The following GHR variants were observed in gnomAD, a reference collection of about 807,000 sequenced individuals.
GHR encodes the protein GH receptor.
GHR carries 35 observed loss-of-function variants against 67.1 expected under a neutral mutation model. The observed-to-expected ratio is 0.52, with a 90% CI of 0.40 to 0.69. The LOEUF (loss-of-function observed/expected upper bound fraction) is 0.69, where lower values mean the gene tolerates loss of function less well. Ranked by LOEUF, GHR falls within the 30% of genes least tolerant of loss-of-function variation. The pLI is 0.00. For missense variants in GHR, 792 were observed against 764.6 expected (o/e 1.04, Z -0.42); for synonymous variants, 272 against 269.1 (o/e 1.01, Z -0.10).
At chr5:42,482,759 GA>G (rs1472404809) in intron 1 of GHR, among the ~76,000 whole-genome samples, 3 of 152,178 alleles carry the variant, frequency 2.0e-5, no homozygotes, top group African/African-American at 7.2e-5. Flanking sequence ...GGAGTGACCT[GA>G]TTTTCCAGGT....
At chr5:42,434,011 A>G (rs1743215398) in intron 1 of GHR, among the ~76,000 whole-genome samples, 1 of 152,052 alleles carries the variant, frequency 6.6e-6, no homozygotes, top group Non-Finnish European at 1.5e-5. Flanking sequence ...GCTGTGTGGT[A>G]TTTCAGCACA....
At position 42,464,417 on chromosome 5, in the gene GHR, C is replaced by T. The variant is rs145649022; in HGVS notation, c.-12+40462C>T. On this transcript the variant is annotated intron_variant, in intron 1 of 9. Transcript: ENST00000230882. Reference sequence around the variant, plus strand: ...AGAATTGGCAGTGGGGTCATGCCATCAGAAACACATACATGCAATGCATGG... The same window carrying T: ...AGAATTGGCAGTGGGGTCATGCCATTAGAAACACATACATGCAATGCATGG... Among the ~76,000 whole-genome samples the T allele has an allele frequency of 7.6e-3, 1,160 of 151,718 alleles. 14 individuals carry two copies. The highest frequency in any genetic ancestry group is 0.027 in the African/African-American group (1,111 of 41,516).
chr5:42,578,582 A>G (rs1750896024), intron 2 of GHR, among the ~76,000 whole-genome samples: 2 of 152,220 alleles, frequency 1.3e-5, no homozygotes, highest in South Asian at 2.1e-4. Context: ...CTCCTTTTGA[A>G]TGAAATCAGA....
chr5:42,579,384 C>T lies in GHR; in HGVS notation c.70+13440C>T, dbSNP rs191683871. 1.1e-4 allele frequency among the ~76,000 whole-genome samples: 17 copies of T among 152,254 alleles called. 1 individual carries two copies. Among genetic ancestry groups the T allele is most frequent in the Middle Eastern group, 6.8e-3 (2 of 294 alleles). ...TTGATGGAGCCATATTTACATGAAA[C>T]GTTGCAGCATTTTCTTCTTTAAACC... On this transcript the variant is annotated intron_variant, in intron 2 of 9. Coordinates refer to ENST00000230882, the MANE Select transcript of GHR (RefSeq NM_000163.5).
intron 3 of GHR, among the ~76,000 whole-genome samples, chr5:42,665,733 A>G (rs1329034229): frequency 1.2e-5 from 1 of 80,944 alleles, no homozygotes. Context: ...GTACCCTGAA[A>G]CTTAAAGTAT....
intron 1 of GHR, among the ~76,000 whole-genome samples, chr5:42,516,411 G>GT (rs1747239554): frequency 6.6e-6 from 1 of 152,174 alleles, no homozygotes; most frequent in African/African-American, 2.4e-5. Flanking sequence ...CCGGAGTCAG[G>GT]TGAGCTGGTT....
At chr5:42,553,099 G>A (rs1467887425) in intron 1 of GHR, among the ~76,000 whole-genome samples, 2 of 152,172 alleles carry the variant, frequency 1.3e-5, no homozygotes, top group South Asian at 2.1e-4. Flanking sequence ...CTTAAAGGCT[G>A]TAGTAGTTTT....
intron 1 of GHR, chr5:42,468,470 C>T (rs991515338): frequency 3.7e-6 from 3 of 817,342 alleles, no homozygotes; most frequent in East Asian, 2.5e-5. Flanking sequence ...CTGAGAGGCC[C>T]GACCAGAGTT....
At chr5:42,578,534 A>G (rs1225908854) in intron 2 of GHR, among the ~76,000 whole-genome samples, 1 of 152,200 alleles carries the variant, frequency 6.6e-6, no homozygotes, top group African/African-American at 2.4e-5. Flanking sequence ...TGTGTGTAAC[A>G]TGTACAAAAA....
At chr5:42,440,382 C>G (rs1191405501) in intron 1 of GHR, among the ~76,000 whole-genome samples, 3 of 152,008 alleles carry the variant, frequency 2.0e-5, no homozygotes, top group African/African-American at 7.3e-5. Flanking sequence ...AAAGAAAGAG[C>G]ATAATGGGTA....
rs116605358 is a variant in GHR at position 42,586,517 on chromosome 5, C to G, written c.70+20573C>G. 3.0e-3 allele frequency among the ~76,000 whole-genome samples: 462 copies of G among 152,278 alleles called. 2 individuals carry two copies. Among genetic ancestry groups the G allele is most frequent in the Middle Eastern group, 0.027 (8 of 294 alleles). ...AGATAGGACAGTTGGATTTAGGGAT[C>G]TAGATTAAGGGACTATCATGTATGC... On this transcript the variant is annotated intron_variant, in intron 2 of 9. Transcript: ENST00000230882.
At chr5:42,491,133 A>G (rs2112193001) in intron 1 of GHR, among the ~76,000 whole-genome samples, 1 of 152,344 alleles carries the variant, frequency 6.6e-6, no homozygotes, top group Admixed American at 6.5e-5. Flanking sequence ...AGAGTTGGAT[A>G]TGTAGTGAAC....
chr5:42,633,296 T>G (rs1177769709), intron 3 of GHR, among the ~76,000 whole-genome samples: 1 of 152,170 alleles, frequency 6.6e-6, no homozygotes, highest in Non-Finnish European at 1.5e-5. Flanking sequence ...TAGTCTAAGT[T>G]TTCATGAAAA....
intron 1 of GHR, among the ~76,000 whole-genome samples, chr5:42,552,169 G>A (rs768443839): frequency 6.6e-6 from 1 of 152,266 alleles, no homozygotes; most frequent in African/African-American, 2.4e-5. Flanking sequence ...TGGTGGTCCC[G>A]TAGGACAGTA....
At chr5:42,484,967 ATTCCT>A (rs1171290544) in intron 1 of GHR, among the ~76,000 whole-genome samples, 1 of 152,242 alleles carries the variant, frequency 6.6e-6, no homozygotes, top group African/African-American at 2.4e-5. Context: ...TATACCTTTG[ATTCCT>A]TTACTTTACG....
At chr5:42,505,120 CTGTT>C (rs1484589695) in intron 1 of GHR, among the ~76,000 whole-genome samples, 2 of 112,768 alleles carry the variant, frequency 1.8e-5, no homozygotes, top group Admixed American at 9.2e-5. Flanking sequence ...GAGCTGTTGA[CTGTT>C]TTTTTTTTTT....
intron 2 of GHR, among the ~76,000 whole-genome samples, chr5:42,578,509 G>C (rs528110532): frequency 6.6e-6 from 1 of 152,144 alleles, no homozygotes; most frequent in Non-Finnish European, 1.5e-5. Flanking sequence ...CATGTCAGAT[G>C]TGCCTTAATG....
intron 1 of GHR, among the ~76,000 whole-genome samples, chr5:42,444,017 A>G (rs1293970493): frequency 2.0e-5 from 3 of 152,054 alleles, no homozygotes; most frequent in African/African-American, 2.4e-5. Context: ...AGATATAGAT[A>G]TAGATATAGA....
In GHR at chr5:42,424,575, AG is replaced by A; in HGVS notation, c.-12+621del. 6.5e-7 allele frequency: 1 copy of A among 1,534,448 alleles called. No homozygotes were observed. The highest frequency in any genetic ancestry group is 8.7e-7 in the Non-Finnish European group (1 of 1,145,848). ...ATGGAACTGGGGTCAGTAGAGTGAC[AG>A]CCACCAGTCCGCATGAACTGGGGTA... On this transcript the variant is annotated intron_variant, in intron 1 of 9. Coordinates refer to ENST00000230882, the MANE Select transcript of GHR (RefSeq NM_000163.5). The surrounding 1 kb of genome is among the most constrained non-coding windows in gnomAD (Gnocchi z 4.1).
Sources: allele counts gnomAD v4.1 joint callset (sites outside exome capture counted in the v4.1 genomes callset), GRCh38; gene constraint gnomAD v4.1.1; non-coding constraint Gnocchi (gnomAD v3.1); transcripts MANE v1.5; gene names NCBI Gene and HGNC (gene_info 2026-07-23, HGNC 2026-07-21).